LIN54: variants seen among roughly 807,000 people sequenced by gnomAD.
The protein encoded by LIN54 is protein lin-54 homolog.
LIN54 carries 9 observed loss-of-function variants against 78.7 expected under a neutral mutation model. The ratio of observed to expected loss-of-function variants is 0.11; its 90% confidence interval spans 0.07 to 0.20. The LOEUF is 0.20. Ranked by LOEUF, LIN54 falls within the 10% of genes least tolerant of loss-of-function variation. LIN54 has a pLI of 1.00. For missense variants in LIN54, 573 were observed against 889.9 expected (o/e 0.64, Z 4.53); for synonymous variants, 269 against 318.4 (o/e 0.84, Z 1.65).
At position 82,984,866 on chromosome 4, in the gene LIN54, T is replaced by C. The variant is rs1726981462; in HGVS notation, c.-22A>G. The C allele has an allele frequency of 6.3e-7, 1 of 1,587,318 alleles. No individual in the cohort carries two copies. Among genetic ancestry groups the C allele is most frequent in the Middle Eastern group, 1.7e-4 (1 of 5,958 alleles). On this transcript the variant is annotated 5_prime_UTR_variant, in exon 2 of 13. Coordinates refer to ENST00000340417, the MANE Select transcript of LIN54 (RefSeq NM_194282.4). ...CCATGATCGTTCTCCCGCTAGAAAG[T>C]TGATCAGGCACTGTAATAAAAGTTG...
Position 82,928,028 on chromosome 4 carries a change from T to A in LIN54, c.*74A>T. The stretch of plus-strand genomic sequence containing the variant: ...TGAATTAAAATACAGTAATTGTTTT[T>A]CTTCCAGAAAATCAAGTGTCCCTGC... On this transcript the variant is annotated 3_prime_UTR_variant, in exon 13 of 13. Coordinates refer to ENST00000340417, the MANE Select transcript of LIN54 (RefSeq NM_194282.4). The A allele has an allele frequency of 8.0e-7, 1 of 1,250,044 alleles. No individual in the cohort carries two copies. The highest frequency in any genetic ancestry group is 2.4e-4 in the Middle Eastern group (1 of 4,210). The allele number at this position is 1,250,044 out of a possible 1,614,324, so 77.4% of individuals were successfully genotyped here.
At chr4:82,970,091 A>C (rs1725519211) in intron 4 of LIN54, among the ~76,000 whole-genome samples, 1 of 152,220 alleles carries the variant, frequency 6.6e-6, no homozygotes, top group Admixed American at 6.5e-5. Context: ...TTGTACCCAC[A>C]TTCATATGGG....
chr4:82,979,205 TATA>T (rs1726418616), intron 2 of LIN54, among the ~76,000 whole-genome samples, 199 bp from the exon 3 acceptor site: 1 of 152,194 alleles, frequency 6.6e-6, no homozygotes, highest in Non-Finnish European at 1.5e-5. Flanking sequence ...TAATCCCATA[TATA>T]ATAATACCTT....
intron 1 of LIN54, among the ~76,000 whole-genome samples, chr4:82,985,245 C>T (rs373169091): frequency 1.4e-4 from 21 of 152,256 alleles, no homozygotes; most frequent in Admixed American, 9.2e-4. Context: ...TTTTTCCTCT[C>T]ATTGACAGAC....
At position 82,984,560 on chromosome 4, in the gene LIN54, A is replaced by T; in HGVS notation, c.285T>A (p.Phe95Leu). Residue 95 changes from phenylalanine (F) to leucine (L), a missense_variant, in exon 2 of 13, where the codon TTT becomes TTA. By Grantham distance (22) the Phe-to-Leu change is conservative (BLOSUM62 0). This residue lies in a region of LIN54 where 183 missense variants were observed against 228.4 expected (regional missense o/e 0.80). Transcript: ENST00000340417. Reference protein sequence around the residue: ...ADSNTTVKPAFPSGLQKLGAQ... With the variant: ...ADSNTTVKPALPSGLQKLGAQ... ...CACCAAGTTTTTGAAGGCCACTTGGAAAAGCTGGTTTCACTGTGGTATTAG... is the reference window on the plus strand; with the variant it reads ...CACCAAGTTTTTGAAGGCCACTTGGTAAAGCTGGTTTCACTGTGGTATTAG... 6.2e-7 allele frequency: 1 copy of T among 1,614,192 alleles called. No individual in the cohort carries two copies. Among genetic ancestry groups the T allele is most frequent in the Non-Finnish European group, 8.5e-7 (1 of 1,180,042 alleles).
intron 1 of LIN54, among the ~76,000 whole-genome samples, chr4:83,008,569 G>A (rs1270100411): frequency 6.6e-6 from 1 of 152,160 alleles, no homozygotes; most frequent in Non-Finnish European, 1.5e-5. Context: ...GGAGAATGGC[G>A]TGAACCCAGG....
intron 11 of LIN54, among the ~76,000 whole-genome samples, chr4:82,933,310 TG>T (rs1404256425): frequency 6.6e-6 from 1 of 150,800 alleles, no homozygotes; most frequent in Non-Finnish European, 1.5e-5. Flanking sequence ...ACATTAATAG[TG>T]TCTAACCGGA....
chr4:82,959,526 C>A (rs1389743253), intron 4 of LIN54, among the ~76,000 whole-genome samples: 11 of 151,702 alleles, frequency 7.3e-5, no homozygotes, highest in Non-Finnish European at 1.5e-4. Context: ...CAAAAAAAAC[C>A]CCAAAACCAA....
chr4:82,940,231 C>T (rs890304092), intron 5 of LIN54, among the ~76,000 whole-genome samples: 2 of 152,196 alleles, frequency 1.3e-5, no homozygotes, highest in African/African-American at 4.8e-5. Flanking sequence ...GAAAATACTT[C>T]AATCTGTATT....
intron 4 of LIN54, among the ~76,000 whole-genome samples, chr4:82,967,078 A>C (rs1021844855): frequency 2.7e-5 from 4 of 150,936 alleles, no homozygotes; most frequent in Admixed American, 2.0e-4. Context: ...AAATAGAAAA[A>C]TTAGCTGGGT....
chr4:82,947,225 A>ATTT (rs1304000304), intron 4 of LIN54, among the ~76,000 whole-genome samples: 2 of 21,624 alleles, frequency 9.2e-5, no homozygotes, highest in African/African-American at 3.0e-4. Flanking sequence ...ATATATATAT[A>ATTT]TATATATATA....
Position 83,000,827 on chromosome 4 carries a change from C to CTTTTTTTCTTTCTT in LIN54, c.-33+9656_-33+9657insAAGAAAGAAAAAAA, listed in dbSNP as rs528409899. Among the ~76,000 whole-genome samples the CTTTTTTTCTTTCTT allele has an allele frequency of 1.7e-4, 21 of 120,540 alleles. 2 individuals carry two copies. Among genetic ancestry groups the CTTTTTTTCTTTCTT allele is most frequent in the South Asian group, 5.1e-4 (2 of 3,898 alleles). 79.1% of individuals were successfully genotyped at this position (120,540 alleles called of 152,430 possible). ...GCCATCAAGCCCAAAGCAATAAATT[C>CTTTTTTTCTTTCTT]TTTTTTTTTTTTTGGAGATAGAGTC... On this transcript the variant is annotated intron_variant, in intron 1 of 12. Transcript: ENST00000340417.
rs78400123 is a variant in LIN54 at position 82,939,811 on chromosome 4, A to G, written c.1243-75T>C. 8.7e-4 allele frequency: 1,376 copies of G among 1,586,398 alleles called. 11 individuals are homozygous for G. The African/African-American group carries it at 0.014, about 16-fold the overall frequency. On this transcript the variant is annotated intron_variant, in intron 6 of 12. Transcript: ENST00000340417. ...GTTCAATTCAGTATAAATCTCTTGC[A>G]CCTAAATCTTAACTTTCTATTTAAA...
intron 4 of LIN54, among the ~76,000 whole-genome samples, chr4:82,963,591 A>G (rs1430848619): frequency 6.6e-6 from 1 of 152,146 alleles, no homozygotes; most frequent in Admixed American, 6.6e-5. Flanking sequence ...GAAACACTCT[A>G]TTGTAAGTTT....
chr4:82,939,417 A>AT, intron 7 of LIN54, 122 bp downstream of exon 7: 4 of 818,690 alleles, frequency 4.9e-6, no homozygotes, highest in Non-Finnish European at 8.3e-6. Flanking sequence ...ACATTTTAAG[A>AT]TTTTGGAAAG....
chr4:82,988,421 A>T (rs560763783), intron 1 of LIN54, among the ~76,000 whole-genome samples: 2 of 152,118 alleles, frequency 1.3e-5, no homozygotes, highest in East Asian at 1.9e-4. Context: ...ATATGCATTC[A>T]TCTGTTAATG....
At position 82,979,939 on chromosome 4, in the gene LIN54, CAAAAAAAAA is replaced by C. The variant is rs70943176; in HGVS notation, c.685-942_685-934del. Among the ~76,000 whole-genome samples the C allele has an allele frequency of 3.2e-4, 16 of 49,850 alleles. 1 individual carries two copies. In the South Asian group the frequency reaches 5.7e-3, roughly 18 times the overall value. The allele number at this position is 49,850 out of a possible 152,430, so 32.7% of individuals were successfully genotyped here. ...TGACAGAGTGAGTGAGACTCTGTCT[CAAAAAAAAA>C]AAAAAAAAAAAAAAAAAATACTGGG... is the stretch of plus-strand genomic sequence containing the variant. On this transcript the variant is annotated intron_variant, in intron 2 of 12. Coordinates refer to ENST00000340417, the MANE Select transcript of LIN54 (RefSeq NM_194282.4).
intron 4 of LIN54, among the ~76,000 whole-genome samples, chr4:82,965,406 C>T (rs1725121140): frequency 6.6e-6 from 1 of 152,108 alleles, no homozygotes; most frequent in Non-Finnish European, 1.5e-5. Context: ...AGATTCAAAG[C>T]TGGAGGAGGG....
In LIN54 at chr4:82,940,069, A is replaced by T; in HGVS notation, c.1169-107T>A. The T allele has an allele frequency of 1.0e-5, 8 of 782,004 alleles. 1 individual carries two copies. Among genetic ancestry groups the T allele is most frequent in the Non-Finnish European group, 1.7e-5 (8 of 482,632 alleles). The allele number at this position is 782,004 out of a possible 1,614,324, so 48.4% of individuals were successfully genotyped here. Reference sequence around the variant, plus strand: ...AAGTTATTCTCATAAAAGAGCTTAAAGAATTCCATTTGATTCCTAATTTGA... The same window carrying T: ...AAGTTATTCTCATAAAAGAGCTTAATGAATTCCATTTGATTCCTAATTTGA... On this transcript the variant is annotated intron_variant, in intron 5 of 12. Coordinates refer to ENST00000340417, the MANE Select transcript of LIN54 (RefSeq NM_194282.4).
Sources: gnomAD v4.1 joint callset for allele counts (sites outside exome capture counted in the v4.1 genomes callset) on GRCh38, gnomAD v4.1.1 for gene constraint, gnomAD v4.1.1 regional missense constraint, MANE v1.5 for transcripts, NCBI Gene and HGNC (gene_info 2026-07-23, HGNC 2026-07-21) for gene names.